TDRKH: variants seen among roughly 807,000 people sequenced by gnomAD.
TDRKH encodes the protein tudor and KH domain containing.
Under a neutral mutation model 61.3 loss-of-function variants are expected in TDRKH, and 28 were observed. That is an observed-to-expected ratio of 0.46 (90% CI 0.34 to 0.63). TDRKH has a LOEUF of 0.63. Among genes scored for constraint, TDRKH ranks in the 20% least tolerant of loss-of-function variants. The pLI, the probability that TDRKH is intolerant of heterozygous loss-of-function variation, is 0.01. For missense variants in TDRKH, 540 were observed against 683.4 expected, an observed-to-expected ratio of 0.79 and a Z score of 2.34; for synonymous variants, 219 against 244.4, an observed-to-expected ratio of 0.90 and a Z score of 0.97.
At chr1:151,768,908 C>G (rs903323600), downstream of TDRKH, among the ~76,000 whole-genome samples, 1 of 152,204 alleles carries the variant, frequency 6.6e-6, no homozygotes, top group African/African-American at 2.4e-5. Flanking sequence ...TTTAACAAAG[C>G]ACATCTTGCA....
In TDRKH at chr1:151,776,516, T is replaced by C. The variant is rs184923169; in HGVS notation, c.967A>G (p.Ile323Val). The part of the protein sequence containing the change: ...SASEHPNHFW[I>V]QIVGSRSLQL... ...AGGCTGCGGGAGCCAACGATCTGGA[T>C]CCAGAAGTGGTTAGGGTGCTCAGAA... The change falls in exon 7 of 13, where the codon ATC becomes GTC. Residue 323 changes from isoleucine to valine, a missense_variant. By Grantham distance (29) the Ile-to-Val change is conservative. Around this residue, in one of 3 missense-constraint regions of TDRKH, gnomAD observed 379 missense variants for 443.8 expected, o/e 0.85. Transcript: ENST00000368824. 5.8e-3 allele frequency: 9,433 copies of C among 1,614,160 alleles called. 70 individuals carry two copies. Among genetic ancestry groups the C allele is most frequent in the Non-Finnish European group, 5.8e-3 (6,812 of 1,180,038 alleles).
In TDRKH at chr1:151,779,188, G is replaced by T. The variant is rs772525565; in HGVS notation, c.476C>A (p.Thr159Asn). The T allele has an allele frequency of 8.7e-6, 14 of 1,614,002 alleles. No individual in the cohort carries two copies. The South Asian group carries it at 1.4e-4, about 16-fold the overall frequency. The change falls in exon 5 of 13, where the codon ACC becomes AAC. Residue 159 changes from threonine (T) to asparagine (N), a missense_variant. This residue lies in a region of TDRKH where 156 missense variants were observed against 218.0 expected (regional missense o/e 0.72). Transcript: ENST00000368824. Reference protein sequence around the residue: ...SICKASGAKITCDKESEGTLL... With the variant: ...SICKASGAKINCDKESEGTLL... ...TGTCCCTTCTGATTCTTTGTCACAG[G>T]TAATTTTGGCTCCAGATGCCTTACA...
downstream of TDRKH, chr1:151,770,093 GACCATGGGGAGACGGAGACGGA>G: frequency 4.4e-6 from 2 of 453,656 alleles, no homozygotes; most frequent in Non-Finnish European, 7.2e-6. Context: ...GGGAGAGGGA[GACCATGGGGAGACGGAGACGGA>G]GAGGGAGAGG....
chr1:151,768,123 T>C (rs1437202517), downstream of TDRKH: 1 of 1,613,990 alleles, frequency 6.2e-7, no homozygotes, highest in Non-Finnish European at 8.5e-7. Context: ...AGTTAGACTT[T>C]CACTTCCGCC....
At chr1:151,788,945 G>A (rs1219911079) in intron 1 of TDRKH, among the ~76,000 whole-genome samples, 2 of 152,180 alleles carry the variant, frequency 1.3e-5, no homozygotes, top group Non-Finnish European at 2.9e-5. Flanking sequence ...ATCTGTGTCC[G>A]TGGTGAGGAG....
At position 151,774,397 on chromosome 1, in the gene TDRKH, T is replaced by A; in HGVS notation, c.*55A>T. 3 of 1,589,364 alleles carry A rather than the reference T, an allele frequency of 1.9e-6. No individual in the cohort carries two copies. Among genetic ancestry groups the A allele is most frequent in the Non-Finnish European group, 2.6e-6 (3 of 1,161,212 alleles). ...TTACTTTCCTGTTGCTACAGATAGA[T>A]GATAGCTGCACTCACACAGCAAAGC... is the stretch of plus-strand genomic sequence containing the variant. On this transcript the variant is annotated 3_prime_UTR_variant, in exon 13 of 13. Coordinates refer to ENST00000368824, the MANE Select transcript of TDRKH (RefSeq NM_001083965.2).
At chr1:151,766,812 C>T (rs750993265), downstream of TDRKH, 143 of 1,606,614 alleles carry the variant, frequency 8.9e-5, no homozygotes, top group Non-Finnish European at 8.3e-5. Context: ...GATCTGGTCA[C>T]CATACGCCTA....
At chr1:151,770,583 A>G, downstream of TDRKH, 1 of 294,876 alleles carries the variant, frequency 3.4e-6, no homozygotes, top group Non-Finnish European at 6.3e-6. Flanking sequence ...AAAGGGTCAG[A>G]CATAAGGCCA....
At chr1:151,775,018 G>A (rs780601579) in intron 11 of TDRKH, 47 bp downstream of exon 11, 2 of 1,583,096 alleles carry the variant, frequency 1.3e-6, no homozygotes, top group Non-Finnish European at 8.7e-7. Context: ...GTGTCTATGT[G>A]CTAGATTTGC....
At chr1:151,771,218 G>A (rs1299084726), downstream of TDRKH, 2 of 1,612,862 alleles carry the variant, frequency 1.2e-6, no homozygotes, top group African/African-American at 1.3e-5. Context: ...GAGCCTCCTT[G>A]AACATGCTTA....
intron 1 of TDRKH, among the ~76,000 whole-genome samples, chr1:151,785,337 C>T (rs1185254649): frequency 6.6e-6 from 1 of 152,160 alleles, no homozygotes; most frequent in Non-Finnish European, 1.5e-5. Flanking sequence ...AGAATCTGAC[C>T]ACTTTTTCTC....
chr1:151,785,755 C>T (rs183464005), intron 1 of TDRKH, among the ~76,000 whole-genome samples: 8 of 152,202 alleles, frequency 5.3e-5, no homozygotes, highest in East Asian at 1.9e-4. Flanking sequence ...GTAACAGCAC[C>T]TGTATTTTTA....
chr1:151,790,140 C>T (rs1311272631), intron 1 of TDRKH, among the ~76,000 whole-genome samples: 1 of 152,132 alleles, frequency 6.6e-6, no homozygotes, highest in Admixed American at 6.5e-5. Flanking sequence ...GCTCCCGCAC[C>T]GGGTCCGTTG....
At chr1:151,783,087 T>C in intron 1 of TDRKH, 38 bp from the exon 2 acceptor site, 1 of 1,574,222 alleles carries the variant, frequency 6.4e-7, no homozygotes, top group Non-Finnish European at 8.6e-7. Context: ...GGAGGTTTCA[T>C]CCAATCCTTT....
At chr1:151,774,883 C>T in intron 11 of TDRKH, 77 bp from the exon 12 acceptor site, 1 of 1,525,356 alleles carries the variant, frequency 6.6e-7, no homozygotes, top group Non-Finnish European at 9.1e-7. Flanking sequence ...TCATTCTTCT[C>T]ATAGGACCTG....
At chr1:151,772,000 T>TA (rs1648731223), downstream of TDRKH, 2 of 398,570 alleles carry the variant, frequency 5.0e-6, no homozygotes, top group Non-Finnish European at 8.8e-6. Context: ...AAACATCAAA[T>TA]AAATGGAAGC....
intron 1 of TDRKH, 39 bp from the exon 2 acceptor site, chr1:151,783,088 C>G (rs1365157212): frequency 2.5e-6 from 4 of 1,573,188 alleles, no homozygotes; most frequent in East Asian, 4.7e-5. Context: ...GAGGTTTCAT[C>G]CAATCCTTTT....
At chr1:151,784,855 T>C (rs917138533) in intron 1 of TDRKH, among the ~76,000 whole-genome samples, 1 of 152,004 alleles carries the variant, frequency 6.6e-6, no homozygotes, top group Non-Finnish European at 1.5e-5. Flanking sequence ...TGATGTCTAA[T>C]AGACATCTCA....
Position 151,779,098 on chromosome 1 carries a change from C to T in TDRKH, c.561+5G>A, listed in dbSNP as rs563214865. The T allele has an allele frequency of 6.2e-7, 1 of 1,613,978 alleles. No individual in the cohort carries two copies. The highest frequency in any genetic ancestry group is 2.2e-5 in the East Asian group (1 of 44,880). Reference sequence around the variant, plus strand: ...AGGTATAATTCAAGTCTATTAGCTACTTGCCTTGGCTGCTGCCACTTCCTT... The same window carrying T: ...AGGTATAATTCAAGTCTATTAGCTATTTGCCTTGGCTGCTGCCACTTCCTT... On this transcript the variant is annotated splice_donor_5th_base_variant and intron_variant, in intron 5 of 12. Coordinates refer to ENST00000368824, the MANE Select transcript of TDRKH (RefSeq NM_001083965.2).
Sources: gnomAD v4.1 joint callset for allele counts (sites outside exome capture counted in the v4.1 genomes callset) on GRCh38, gnomAD v4.1.1 for gene constraint, gnomAD v4.1.1 regional missense constraint, MANE v1.5 for transcripts, NCBI Gene and HGNC (gene_info 2026-07-23, HGNC 2026-07-21) for gene names.